Variants in AKNAD1 observed in about 807,000 individuals in gnomAD.
The protein encoded by AKNAD1 is protein AKNAD1.
AKNAD1 carries 67 observed loss-of-function variants against 90.8 expected under a neutral mutation model. The observed-to-expected ratio is 0.74, with a 90% CI of 0.61 to 0.90. The LOEUF (loss-of-function observed/expected upper bound fraction) is 0.90. Among genes scored for constraint, AKNAD1 ranks in the 40% least tolerant of loss-of-function variants. AKNAD1 has a pLI of 0.00. For missense variants in AKNAD1, 957 were observed against 975.4 expected (o/e 0.98, Z 0.25); for synonymous variants, 327 against 341.4 (o/e 0.96, Z 0.46).
chr1:108,854,410 A>G (rs533398408), intron 1 of AKNAD1, among the ~76,000 whole-genome samples: 4 of 152,288 alleles, frequency 2.6e-5, no homozygotes, highest in Non-Finnish European at 4.4e-5. Flanking sequence ...TCTCTCTCCA[A>G]CCAAATTTTT....
At position 108,834,602 on chromosome 1, in the gene AKNAD1, G is replaced by C. The variant is rs879015356; in HGVS notation, c.1665-74C>G. ...AGCTACCTGGGAGCTCCACTATTTG[G>C]AATCACTTGGCATCACCCCTGGGAT... On this transcript the variant is annotated intron_variant, in intron 8 of 15. Transcript: ENST00000370001. The C allele has an allele frequency of 8.5e-5, 120 of 1,408,050 alleles. 2 individuals are homozygous for C. In the South Asian group the frequency reaches 1.4e-3, roughly 17 times the overall value. 87.2% of individuals were successfully genotyped at this position (1,408,050 alleles called of 1,614,324 possible). A position where few individuals can be genotyped will look rare whatever the true frequency, so the allele number is the denominator to read the frequency against.
At chr1:108,850,221 T>C (rs1272967464) in intron 2 of AKNAD1, among the ~76,000 whole-genome samples, 1 of 152,220 alleles carries the variant, frequency 6.6e-6, no homozygotes, top group Non-Finnish European at 1.5e-5. Flanking sequence ...AACACGCTAG[T>C]GCTGGAGAGC....
intron 1 of AKNAD1, among the ~76,000 whole-genome samples, chr1:108,853,772 T>C (rs1664943331): frequency 6.6e-6 from 1 of 151,656 alleles, no homozygotes; most frequent in Admixed American, 6.6e-5. Flanking sequence ...CCATCTGTAC[T>C]AAAAATACAA....
intron 11 of AKNAD1, among the ~76,000 whole-genome samples, chr1:108,824,164 G>A (rs1208606987): frequency 1.1e-4 from 16 of 152,222 alleles, no homozygotes; most frequent in Non-Finnish European, 1.5e-5. Flanking sequence ...CCTGAATCAT[G>A]ACTTTGCTCT....
intron 6 of AKNAD1, among the ~76,000 whole-genome samples, chr1:108,841,614 G>A (rs188182581): frequency 2.5e-4 from 38 of 152,136 alleles, no homozygotes; most frequent in African/African-American, 8.2e-4. Context: ...GTAAACAAAG[G>A]ACTAGTCAAT....
chr1:108,832,645 A>G (rs1664246799), intron 9 of AKNAD1, among the ~76,000 whole-genome samples: 1 of 152,136 alleles, frequency 6.6e-6, no homozygotes. Context: ...TTGTCTATCT[A>G]CATTTTTTTT....
At chr1:108,846,614 G>A (rs1043704956) in intron 5 of AKNAD1, among the ~76,000 whole-genome samples, 14 of 151,886 alleles carry the variant, frequency 9.2e-5, no homozygotes, top group Admixed American at 2.6e-4. Context: ...TGGCTTCTCC[G>A]CCTCCGCTCC....
intron 6 of AKNAD1, among the ~76,000 whole-genome samples, chr1:108,840,335 G>A (rs1352271202): frequency 3.3e-5 from 5 of 152,040 alleles, no homozygotes; most frequent in African/African-American, 9.7e-5. Flanking sequence ...AACATCTGTC[G>A]ACAATACTCA....
chr1:108,845,375 G>T (rs555655266), intron 5 of AKNAD1, among the ~76,000 whole-genome samples: 2 of 152,128 alleles, frequency 1.3e-5, no homozygotes, highest in Non-Finnish European at 2.9e-5. Flanking sequence ...CACCTGTGCC[G>T]TCATGGAGTT....
At chr1:108,856,731 AACACAC>A (rs529635693) in intron 1 of AKNAD1, among the ~76,000 whole-genome samples, 192 bp downstream of exon 1, 1 of 145,200 alleles carries the variant, frequency 6.9e-6, no homozygotes, top group Non-Finnish European at 1.5e-5. Flanking sequence ...CACACACATA[AACACAC>A]ACACACAAAC....
intron 14 of AKNAD1, among the ~76,000 whole-genome samples, chr1:108,818,805 A>T (rs1663714274): frequency 6.6e-6 from 1 of 152,070 alleles, no homozygotes; most frequent in South Asian, 2.1e-4. Flanking sequence ...TCTACTAAAA[A>T]TACAAAAATT....
intron 13 of AKNAD1, among the ~76,000 whole-genome samples, chr1:108,821,973 G>A (rs1663827549): frequency 6.6e-6 from 1 of 152,166 alleles, no homozygotes. Flanking sequence ...TGCTGGGAGA[G>A]ATTGTCCCTC....
intron 14 of AKNAD1, among the ~76,000 whole-genome samples, chr1:108,818,813 A>C (rs1557822946): frequency 6.6e-6 from 1 of 151,986 alleles, no homozygotes; most frequent in Non-Finnish European, 1.5e-5. Flanking sequence ...AAATACAAAA[A>C]TTAGCTGGGC....
At chr1:108,831,675 A>T (rs1279697485) in intron 9 of AKNAD1, among the ~76,000 whole-genome samples, 1 of 141,342 alleles carries the variant, frequency 7.1e-6, no homozygotes, top group Non-Finnish European at 1.5e-5. Context: ...ACGGAGTCTC[A>T]CTCTGTTGCC....
In AKNAD1 at chr1:108,823,654, A is replaced by G. The variant is rs569635426; in HGVS notation, c.1971T>C (p.Ser657=). 5.5e-5 allele frequency: 88 copies of G among 1,614,182 alleles called. 2 individuals are homozygous for G. The South Asian group carries it at 9.2e-4, about 17-fold the overall frequency. ...ATTTGTTACTCTGCATTTCAGTGCCAGAATCAGAACAGAAGCTGTGTCCTG... is the reference window on the plus strand; with the variant it reads ...ATTTGTTACTCTGCATTTCAGTGCCGGAATCAGAACAGAAGCTGTGTCCTG... The part of the protein sequence containing the change: ...SDTGHSFCSD[S]GTEMQSNKCQ... The change falls in exon 12 of 16, where the codon TCT becomes TCC. Residue 657 remains serine, a synonymous_variant. Transcript: ENST00000370001.
chr1:108,817,509 T>TTC (rs1663655406), intron 14 of AKNAD1: 3 of 137,540 alleles, frequency 2.2e-5, no homozygotes, highest in African/African-American at 8.6e-5. Flanking sequence ...TTTTTTTTTT[T>TTC]TTTTTTTTTT....
Position 108,816,109 on chromosome 1 carries a change from G to A in AKNAD1, c.*62C>T. 2.7e-6 allele frequency: 4 copies of A among 1,478,512 alleles called. No individual in the cohort carries two copies. Among genetic ancestry groups the A allele is most frequent in the Non-Finnish European group, 3.6e-6 (4 of 1,113,780 alleles). 91.6% of individuals were successfully genotyped at this position (1,478,512 alleles called of 1,614,324 possible). A position where few individuals can be genotyped will look rare whatever the true frequency, so the allele number is the denominator to read the frequency against. On this transcript the variant is annotated 3_prime_UTR_variant, in exon 16 of 16. Coordinates refer to ENST00000370001, the MANE Select transcript of AKNAD1 (RefSeq NM_152763.5). ...TTGTGTAGTAAGTAAAATACATTTT[G>A]GGGGAAGATCAAGTTTTCTTTGCAT...
At chr1:108,823,922 G>A (rs1663906560) in intron 11 of AKNAD1, among the ~76,000 whole-genome samples, 1 of 152,170 alleles carries the variant, frequency 6.6e-6, no homozygotes, top group African/African-American at 2.4e-5. Context: ...ATCTCAAGAT[G>A]TAGCATACAT....
rs754345409 is a variant in AKNAD1 at position 108,843,162 on chromosome 1, T to A, written c.1351A>T (p.Thr451Ser). 1 of 1,614,072 alleles carries A rather than the reference T, an allele frequency of 6.2e-7. No individual in the cohort carries two copies. Among genetic ancestry groups the A allele is most frequent in the African/African-American group, 1.3e-5 (1 of 74,954 alleles). ...LQQQVHKHES[T>S]IVGDFDPERK... ...TCTGGATCAAAGTCACCAACGATTG[T>A]TGATTCGTGCTTGTGGACTTGCTGC... Residue 451 changes from threonine to serine, a missense_variant, in exon 6 of 16, where the codon ACA (threonine) becomes TCA (serine). Coordinates refer to ENST00000370001, the MANE Select transcript of AKNAD1 (RefSeq NM_152763.5).
Sources: gnomAD v4.1 joint callset for allele counts (sites outside exome capture counted in the v4.1 genomes callset) on GRCh38, gnomAD v4.1.1 for gene constraint, MANE v1.5 for transcripts, NCBI Gene and HGNC (gene_info 2026-07-23, HGNC 2026-07-21) for gene names.